COL6A5: variants seen among roughly 807,000 people sequenced by gnomAD.
COL6A5 encodes the protein collagen alpha-5(VI) chain.
A neutral mutation model predicts 65.6 loss-of-function variants in COL6A5; 48 were observed. That is an observed-to-expected ratio of 0.73 (90% confidence interval 0.58 to 0.93). The LOEUF is 0.93. COL6A5 is among the 40% of genes least tolerant of loss of function. COL6A5 has a pLI of 0.00. For missense variants in COL6A5, 914 were observed against 928.3 expected, an observed-to-expected ratio of 0.98 and a Z score of 0.20; for synonymous variants, 291 against 322.8, an observed-to-expected ratio of 0.90 and a Z score of 1.05.
chr3:130,457,996 G>A (rs1559914292), intron 5 of COL6A5, among the ~76,000 whole-genome samples: 2 of 152,068 alleles, frequency 1.3e-5, no homozygotes, highest in African/African-American at 4.8e-5. Context: ...AAACTGAGAG[G>A]CTGGGAAAAG....
At chr3:130,384,246 C>T (rs62284290) in intron 4 of COL6A5, among the ~76,000 whole-genome samples, 45,492 of 151,712 alleles carry the variant, frequency 0.3, 7,938 homozygotes, top group East Asian at 0.5. Context: ...GTGAGGGAGA[C>T]GAAGAATTGC....
chr3:130,377,136 G>A (rs1397182265), intron 3 of COL6A5, among the ~76,000 whole-genome samples: 4 of 151,692 alleles, frequency 2.6e-5, no homozygotes, highest in Admixed American at 1.3e-4. Flanking sequence ...TTTGGGTTTC[G>A]GTTCCTTGCA....
chr3:130,425,905 T>C (rs1216309106), intron 29 of COL6A5, among the ~76,000 whole-genome samples: 3 of 152,232 alleles, frequency 2.0e-5, no homozygotes, highest in African/African-American at 7.2e-5. Flanking sequence ...TTCCTCTAAG[T>C]ATTACATCTT....
At chr3:130,405,388 A>C (rs1936950859) in intron 13 of COL6A5, among the ~76,000 whole-genome samples, 200 bp from the exon 14 acceptor site, 1 of 152,150 alleles carries the variant, frequency 6.6e-6, no homozygotes, top group African/African-American at 2.4e-5. Flanking sequence ...CTGAAGGTTG[A>C]CAGGAAACAT....
At chr3:130,382,334 A>T (rs1936027474) in intron 4 of COL6A5, among the ~76,000 whole-genome samples, 1 of 152,148 alleles carries the variant, frequency 6.6e-6, no homozygotes, top group South Asian at 2.1e-4. Flanking sequence ...CAGGCAAAGG[A>T]GTTGCCAGAA....
At chr3:130,394,086 C>A (rs1432591868) in intron 7 of COL6A5, among the ~76,000 whole-genome samples, 1 of 152,136 alleles carries the variant, frequency 6.6e-6, no homozygotes, top group Non-Finnish European at 1.5e-5. Context: ...CTACCACAGC[C>A]ATTGAGTTTG....
At chr3:130,445,901 G>A (rs7628660) in intron 4 of COL6A5, among the ~76,000 whole-genome samples, 126,053 of 152,074 alleles carry the variant, frequency 0.83, 53,881 homozygotes, top group Non-Finnish European at 0.93. Flanking sequence ...AGTTAACACA[G>A]TCTTCCCAAA....
chr3:130,352,148 G>A (rs1372841717), intron 1 of COL6A5, among the ~76,000 whole-genome samples: 1 of 152,124 alleles, frequency 6.6e-6, no homozygotes, highest in African/African-American at 2.4e-5. Flanking sequence ...CACACACTGG[G>A]GCCTGTCAGC....
intron 4 of COL6A5, among the ~76,000 whole-genome samples, chr3:130,444,535 T>TG (rs1709263081): frequency 6.6e-6 from 1 of 152,188 alleles, no homozygotes; most frequent in African/African-American, 2.4e-5. Context: ...TCCCTCCGTT[T>TG]GGGGTCCCTG....
chr3:130,465,224 A>G (rs1709787258), intron 5 of COL6A5, among the ~76,000 whole-genome samples: 1 of 152,050 alleles, frequency 6.6e-6, no homozygotes, highest in Non-Finnish European at 1.5e-5. Flanking sequence ...CTGAGAGAAC[A>G]GGGAGACCAA....
At chr3:130,405,794 T>C (rs1936967712) in intron 14 of COL6A5, 135 bp downstream of exon 14, 1 of 911,812 alleles carries the variant, frequency 1.1e-6, no homozygotes, top group Non-Finnish European at 1.7e-6. Context: ...TATAGATGAG[T>C]TTTCCTGTCT....
intron 5 of COL6A5, among the ~76,000 whole-genome samples, chr3:130,458,896 G>A (rs2047366): frequency 0.56 from 85,328 of 151,946 alleles, 26,589 homozygotes; most frequent in Non-Finnish European, 0.71. Context: ...AATGCACTTT[G>A]TTCTTTGAAA....
chr3:130,374,259 G>T (rs1935679322), intron 2 of COL6A5, among the ~76,000 whole-genome samples: 1 of 152,082 alleles, frequency 6.6e-6, no homozygotes, highest in Non-Finnish European at 1.5e-5. Context: ...CACACCTAGG[G>T]CATATGATAC....
rs1272563494 is a variant in COL6A5 at position 130,376,244 on chromosome 3, C to T, written c.75C>T (p.Gly25=). 6.9e-6 allele frequency: 11 copies of T among 1,598,108 alleles called. No homozygotes were observed. In the East Asian group the frequency reaches 1.1e-4, roughly 16 times the overall value. ...GTTATTTTATTTTGATAGGGCCAGGCCCTGTGTATGCAGATGTCGTGTTTC... is the reference window on the plus strand; with the variant it reads ...GTTATTTTATTTTGATAGGGCCAGGTCCTGTGTATGCAGATGTCGTGTTTC... The change falls in exon 3 of 42, where the codon GGC becomes GGT. Residue 25 remains glycine (G), a synonymous_variant and NMD_transcript_variant. Transcript: ENST00000312481.
intron 1 of COL6A5, among the ~76,000 whole-genome samples, chr3:130,434,861 T>G (rs570690802): frequency 6.6e-6 from 1 of 152,206 alleles, no homozygotes; most frequent in Admixed American, 6.5e-5. Context: ...ATGGGTAGAT[T>G]GCAAAAATTT....
intron 5 of COL6A5, among the ~76,000 whole-genome samples, chr3:130,385,597 G>T (rs900405135): frequency 3.2e-4 from 49 of 152,012 alleles, no homozygotes; most frequent in African/African-American, 1.1e-3. Flanking sequence ...AAGTGGGAAG[G>T]TTGCTAAGAA....
At chr3:130,359,985 G>A (rs757848129) in intron 1 of COL6A5, among the ~76,000 whole-genome samples, 20 of 151,724 alleles carry the variant, frequency 1.3e-4, no homozygotes, top group Admixed American at 2.6e-4. Context: ...ATTCATGACC[G>A]TTTGTTATGG....
At chr3:130,383,917 A>G (rs1319173713) in intron 4 of COL6A5, among the ~76,000 whole-genome samples, 3 of 152,110 alleles carry the variant, frequency 2.0e-5, no homozygotes, top group African/African-American at 4.8e-5. Flanking sequence ...GAAGCAGAAA[A>G]ATAAACAAAA....
intron 4 of COL6A5, among the ~76,000 whole-genome samples, chr3:130,380,261 C>T (rs2167809): frequency 0.3 from 45,370 of 151,890 alleles, 7,886 homozygotes; most frequent in East Asian, 0.5. Context: ...AATTTTATAA[C>T]ATATAAATCA....
Sources: gnomAD v4.1 joint callset for allele counts (sites outside exome capture counted in the v4.1 genomes callset) on GRCh38, gnomAD v4.1.1 for gene constraint, MANE v1.5 for transcripts, NCBI Gene and HGNC (gene_info 2026-07-23, HGNC 2026-07-21) for gene names.